MPPED1: variants seen among roughly 807,000 people sequenced by gnomAD.
MPPED1 encodes the protein metallophosphoesterase domain containing 1, also known as metallophosphoesterase domain-containing protein 1.
MPPED1 carries 16 observed loss-of-function variants against 36.2 expected under a neutral mutation model. That is an observed-to-expected ratio of 0.44 (90% CI 0.30 to 0.67). The LOEUF (loss-of-function observed/expected upper bound fraction) is 0.67, where lower values mean the gene tolerates loss of function less well. Ranked by LOEUF, MPPED1 falls within the 30% of genes least tolerant of loss-of-function variation. The probability of loss-of-function intolerance (pLI) is 0.10; values close to 1 mark genes in which losing one functional copy is unlikely to be tolerated. For missense variants in MPPED1, 307 were observed against 453.4 expected (o/e 0.68, Z 2.93); for synonymous variants, 199 against 191.3 (o/e 1.04, Z -0.33).
intron 3 of MPPED1, among the ~76,000 whole-genome samples, chr22:43,444,671 C>A (rs572720401): frequency 4.0e-5 from 6 of 151,834 alleles, no homozygotes; most frequent in African/African-American, 1.2e-4. Context: ...CCCTTTATTT[C>A]TTTATTTTTT....
At chr22:43,463,872 T>TTTCTTTC (rs893396989) in intron 3 of MPPED1, among the ~76,000 whole-genome samples, 1 of 148,902 alleles carries the variant, frequency 6.7e-6, no homozygotes, top group Non-Finnish European at 1.5e-5. Flanking sequence ...TCTTTCTTTC[T>TTTCTTTC]TTCTCTTTCT....
chr22:43,497,660 C>T (rs2146917792), intron 4 of MPPED1, among the ~76,000 whole-genome samples: 1 of 151,856 alleles, frequency 6.6e-6, no homozygotes, highest in East Asian at 1.9e-4. Context: ...CTAGGTCCAC[C>T]TGGCCCCACC....
intron 3 of MPPED1, among the ~76,000 whole-genome samples, chr22:43,472,279 A>G (rs1281513634): frequency 6.6e-6 from 1 of 152,230 alleles, no homozygotes; most frequent in African/African-American, 2.4e-5. Context: ...ATGTCTGTGG[A>G]TGGGTCTGGC....
chr22:43,413,353 A>G (rs1283209819), intron 1 of MPPED1, among the ~76,000 whole-genome samples: 2 of 150,138 alleles, frequency 1.3e-5, no homozygotes, highest in African/African-American at 4.9e-5. Context: ...GCAGACAGGC[A>G]CTGTCAATAA....
In MPPED1 at chr22:43,463,807, T is replaced by TTTTCTTTCTTTCTTTTTTTTTTTC. The variant is rs1491212045; in HGVS notation, c.407-10914_407-10913insTTTTTTTTCTTTCTTTCTTTCTTT. Among the ~76,000 whole-genome samples, 519 of 112,994 alleles carry TTTTCTTTCTTTCTTTTTTTTTTTC rather than the reference T, an allele frequency of 4.6e-3. 32 individuals are homozygous for TTTTCTTTCTTTCTTTTTTTTTTTC. The highest frequency in any genetic ancestry group is 0.016 in the East Asian group (61 of 3,720). 74.1% of individuals were successfully genotyped at this position (112,994 alleles called of 152,430 possible). A position where few individuals can be genotyped will look rare whatever the true frequency, so the allele number is the denominator to read the frequency against. ...ACTGTGGTTGATTTTTCATTTTTTCTTTTCTTTCTTTCTTTCTTTCTTTCT... is the reference window on the plus strand; with the variant it reads ...ACTGTGGTTGATTTTTCATTTTTTCTTTTCTTTCTTTCTTTTTTTTTTTCTTTCTTTCTTTCTTTCTTTCTTTCT... On this transcript the variant is annotated intron_variant, in intron 3 of 6. Transcript: ENST00000443721.
chr22:43,432,803 G>T (rs143113084), intron 2 of MPPED1, among the ~76,000 whole-genome samples: 5 of 98,230 alleles, frequency 5.1e-5, no homozygotes, highest in South Asian at 8.0e-4. Context: ...GAGAGAGAGA[G>T]AAAGGGAGGA....
At chr22:43,417,768 G>A (rs1020382658) in intron 1 of MPPED1, 18 of 266,238 alleles carry the variant, frequency 6.8e-5, no homozygotes, top group Non-Finnish European at 1.0e-4. Context: ...TCTCTGCATC[G>A]CCCTGAGCCA....
intron 1 of MPPED1, among the ~76,000 whole-genome samples, chr22:43,414,650 T>A (rs1210177548): frequency 6.6e-6 from 1 of 152,172 alleles, no homozygotes; most frequent in African/African-American, 2.4e-5. Context: ...AGGCTGCAGT[T>A]AAGGGTGGAA....
At chr22:43,489,523 AT>A (rs143578421) in intron 4 of MPPED1, among the ~76,000 whole-genome samples, 1,938 of 143,662 alleles carry the variant, frequency 0.013, 18 homozygotes, top group African/African-American at 0.027. Context: ...GTCCCCTGAC[AT>A]TTTTTTTTTT....
At chr22:43,485,792 A>T (rs1200275117) in intron 4 of MPPED1, among the ~76,000 whole-genome samples, 2 of 152,242 alleles carry the variant, frequency 1.3e-5, no homozygotes, top group Non-Finnish European at 2.9e-5. Context: ...TGGGAAAATT[A>T]ATTAGGAATG....
chr22:43,475,494 G>GTGATGA (rs1569082199), intron 4 of MPPED1, among the ~76,000 whole-genome samples: 1 of 143,460 alleles, frequency 7.0e-6, no homozygotes, highest in Non-Finnish European at 1.5e-5. Flanking sequence ...GGTGATGATG[G>GTGATGA]TGGTGATGAT....
At chr22:43,440,914 TC>T (rs1344020759) in intron 3 of MPPED1, among the ~76,000 whole-genome samples, 3 of 152,070 alleles carry the variant, frequency 2.0e-5, no homozygotes, top group Non-Finnish European at 4.4e-5. Context: ...AGGGCCCTTT[TC>T]CATCTCCTCC....
At chr22:43,417,436 G>A (rs1227966694) in intron 1 of MPPED1, among the ~76,000 whole-genome samples, 1 of 147,202 alleles carries the variant, frequency 6.8e-6, no homozygotes, top group East Asian at 2.0e-4. Flanking sequence ...CTTTTCCTTT[G>A]AGTCCCTCTG....
chr22:43,476,380 G>T (rs201481817), intron 4 of MPPED1, among the ~76,000 whole-genome samples: 79 of 152,226 alleles, frequency 5.2e-4, no homozygotes, highest in African/African-American at 1.8e-3. Flanking sequence ...GAAGAGAAGG[G>T]TATTCACAGG....
intron 2 of MPPED1, among the ~76,000 whole-genome samples, chr22:43,426,812 T>C (rs1202275353): frequency 3.3e-5 from 5 of 152,222 alleles, no homozygotes; most frequent in Non-Finnish European, 7.3e-5. Context: ...GGCTGCCTAC[T>C]TTATTTTTTG....
chr22:43,456,284 ATATG>A (rs769067624), intron 3 of MPPED1, among the ~76,000 whole-genome samples: 21 of 152,136 alleles, frequency 1.4e-4, no homozygotes, highest in Non-Finnish European at 2.5e-4. Flanking sequence ...GGGATTTGTA[ATATG>A]TATGTATTTA....
chr22:43,467,941 G>A (rs1026447893), intron 3 of MPPED1, among the ~76,000 whole-genome samples: 1 of 152,190 alleles, frequency 6.6e-6, no homozygotes, highest in Non-Finnish European at 1.5e-5. Flanking sequence ...GTAAGTGTTA[G>A]CGATAAAGAA....
intron 3 of MPPED1, among the ~76,000 whole-genome samples, chr22:43,445,430 G>A (rs1930300040): frequency 6.6e-6 from 1 of 151,722 alleles, no homozygotes; most frequent in African/African-American, 2.4e-5. Context: ...AATTTTTAAC[G>A]TGTGTATCAG....
chr22:43,426,391 G>A (rs1397545403), intron 2 of MPPED1, among the ~76,000 whole-genome samples: 2 of 152,114 alleles, frequency 1.3e-5, no homozygotes, highest in Non-Finnish European at 2.9e-5. Context: ...AGCACAGGGA[G>A]GGGGGAGCTA....
Sources: gnomAD v4.1 joint callset for allele counts (sites outside exome capture counted in the v4.1 genomes callset) on GRCh38, gnomAD v4.1.1 for gene constraint, MANE v1.5 for transcripts, NCBI Gene and HGNC (gene_info 2026-07-23, HGNC 2026-07-21) for gene names.